NCAM1: variants seen among roughly 807,000 people sequenced by gnomAD.
NCAM1 encodes neural cell adhesion molecule 1.
In NCAM1, 14 loss-of-function variants were observed where a neutral mutation model predicts 109.8. The ratio of observed to expected loss-of-function variants is 0.13; its 90% CI spans 0.08 to 0.20. The LOEUF (loss-of-function observed/expected upper bound fraction) is 0.20. NCAM1 is among the 10% of genes least tolerant of loss of function. The probability of loss-of-function intolerance (pLI) is 1.00; values close to 1 mark genes in which losing one functional copy is unlikely to be tolerated. For synonymous variants in NCAM1, 418 were observed against 442.9 expected (o/e 0.94, Z 0.70); for missense variants, 774 against 1,109.9 (o/e 0.70, Z 4.30).
intron 1 of NCAM1, among the ~76,000 whole-genome samples, chr11:112,992,699 G>A (rs1951496723): frequency 6.6e-6 from 1 of 151,856 alleles, no homozygotes. Flanking sequence ...AGTAGAGACG[G>A]GGTTTCACTG....
intron 1 of NCAM1, among the ~76,000 whole-genome samples, chr11:113,097,054 T>A (rs1388827839): frequency 6.6e-6 from 1 of 152,158 alleles, no homozygotes; most frequent in Non-Finnish European, 1.5e-5. Flanking sequence ...AATGCCCTAA[T>A]GGAAAGTCTT....
chr11:112,992,623 C>G (rs1951493269), intron 1 of NCAM1, among the ~76,000 whole-genome samples: 1 of 151,536 alleles, frequency 6.6e-6, no homozygotes, highest in African/African-American at 2.4e-5. Context: ...GCCTCAGCCT[C>G]CCAAGTAGTT....
intron 1 of NCAM1, among the ~76,000 whole-genome samples, chr11:113,109,444 G>A (rs77812227): frequency 0.013 from 2,049 of 152,070 alleles, 31 homozygotes; most frequent in African/African-American, 0.046. Context: ...ATTCTGGCCT[G>A]TGCAGCTAGT....
At chr11:112,991,034 G>A (rs1035724755) in intron 1 of NCAM1, among the ~76,000 whole-genome samples, 4 of 152,060 alleles carry the variant, frequency 2.6e-5, no homozygotes, top group Non-Finnish European at 2.9e-5. Context: ...CCATCTTACC[G>A]GTGTTCTCTT....
At chr11:113,190,740 G>T (rs1185123998) in intron 1 of NCAM1, among the ~76,000 whole-genome samples, 5 of 152,126 alleles carry the variant, frequency 3.3e-5, no homozygotes, top group Non-Finnish European at 7.4e-5. Flanking sequence ...TCAAAATTTT[G>T]TATAACTTAG....
intron 1 of NCAM1, among the ~76,000 whole-genome samples, chr11:113,000,204 A>G (rs1179578177): frequency 6.6e-6 from 1 of 152,210 alleles, no homozygotes; most frequent in African/African-American, 2.4e-5. Context: ...TCTTATAACC[A>G]GCCATTAACT....
At chr11:113,030,282 C>G (rs1048266402) in intron 1 of NCAM1, among the ~76,000 whole-genome samples, 9 of 152,166 alleles carry the variant, frequency 5.9e-5, no homozygotes, top group Non-Finnish European at 1.0e-4. Context: ...CAGCCATCCT[C>G]CTGGCTAGGT....
chr11:113,109,895 C>A (rs1044748376), intron 1 of NCAM1, among the ~76,000 whole-genome samples: 2 of 151,948 alleles, frequency 1.3e-5, no homozygotes, highest in African/African-American at 4.8e-5. Flanking sequence ...TTCCTTGGCC[C>A]CTGAGATTTC....
At chr11:112,989,428 A>G (rs1951401061) in intron 1 of NCAM1, among the ~76,000 whole-genome samples, 4 of 152,052 alleles carry the variant, frequency 2.6e-5, no homozygotes. Flanking sequence ...GGTCTGTTGT[A>G]TTCTTCAGCT....
intron 16 of NCAM1, among the ~76,000 whole-genome samples, chr11:113,259,331 G>A (rs143595914): frequency 3.9e-5 from 6 of 152,246 alleles, no homozygotes; most frequent in African/African-American, 9.6e-5. Flanking sequence ...GATTACAGGC[G>A]TGAGCCACCG....
intron 1 of NCAM1, among the ~76,000 whole-genome samples, chr11:113,148,504 G>A (rs1942104145): frequency 6.6e-6 from 1 of 151,960 alleles, no homozygotes; most frequent in South Asian, 2.1e-4. Context: ...TAGTGAGGCA[G>A]AATGAAGCGC....
At chr11:113,139,329 T>C (rs1555099982) in intron 1 of NCAM1, among the ~76,000 whole-genome samples, 1 of 152,248 alleles carries the variant, frequency 6.6e-6, no homozygotes, top group East Asian at 1.9e-4. Context: ...TACAGCAGGA[T>C]GTGATCACTC....
chr11:113,115,022 C>A (rs369041033), intron 1 of NCAM1, among the ~76,000 whole-genome samples: 25 of 152,268 alleles, frequency 1.6e-4, no homozygotes, highest in African/African-American at 6.0e-4. Flanking sequence ...CGTTATAAAT[C>A]TTAGGTTATT....
Position 113,068,956 on chromosome 11 carries a change from A to T in NCAM1, c.52+107292A>T, listed in dbSNP as rs545430050. 9.2e-5 allele frequency among the ~76,000 whole-genome samples: 14 copies of T among 152,262 alleles called. No homozygotes were observed. The East Asian group carries it at 2.5e-3, about 27-fold the overall frequency. On this transcript the variant is annotated intron_variant, in intron 1 of 19. Coordinates refer to ENST00000316851, the MANE Select transcript of NCAM1 (RefSeq NM_181351.5). ...AACTTGATGCTTGTGCTTAATTTAG[A>T]TGTGAGTAACGTTTGTGCTATCTTA...
intron 1 of NCAM1, among the ~76,000 whole-genome samples, chr11:112,972,698 AG>A (rs1950914452): frequency 6.6e-6 from 1 of 152,140 alleles, no homozygotes; most frequent in African/African-American, 2.4e-5. Context: ...GGTGGTTAAA[AG>A]TATAAAGTAG....
At chr11:112,964,410 C>T (rs1289252762) in intron 1 of NCAM1, among the ~76,000 whole-genome samples, 2 of 152,014 alleles carry the variant, frequency 1.3e-5, no homozygotes, top group African/African-American at 4.8e-5. Flanking sequence ...TTCGCTTGAA[C>T]GATCTGGAAT....
intron 1 of NCAM1, among the ~76,000 whole-genome samples, chr11:113,028,492 T>C (rs1892983): frequency 0.45 from 68,512 of 151,994 alleles, 16,323 homozygotes; most frequent in East Asian, 0.8. Flanking sequence ...ATTTGACTCA[T>C]ACTAAACCAA....
Position 113,137,909 on chromosome 11 carries a change from G to A in NCAM1, c.53-64470G>A, listed in dbSNP as rs1237109696. On this transcript the variant is annotated intron_variant, in intron 1 of 19. Coordinates refer to ENST00000316851, the MANE Select transcript of NCAM1 (RefSeq NM_181351.5). ...GACAAAAGGAAAAAGCAACAAAGGC[G>A]ACAAGGGAGGGGCAAGACAGAAATG... Among the ~76,000 whole-genome samples the A allele has an allele frequency of 3.9e-5, 6 of 152,030 alleles. No homozygotes were observed. The South Asian group carries it at 6.2e-4, about 16-fold the overall frequency.
intron 14 of NCAM1, among the ~76,000 whole-genome samples, chr11:113,241,756 A>C (rs1945333736): frequency 6.6e-6 from 1 of 152,244 alleles, no homozygotes; most frequent in Admixed American, 6.5e-5. Context: ...TCAGTAAGAC[A>C]CAGGATGTAA....
Sources: gnomAD v4.1 joint callset for allele counts (sites outside exome capture counted in the v4.1 genomes callset) on GRCh38, gnomAD v4.1.1 for gene constraint, MANE v1.5 for transcripts, NCBI Gene and HGNC (gene_info 2026-07-23, HGNC 2026-07-21) for gene names.